The following TAFA4 variants were observed in gnomAD, a reference collection of about 807,000 sequenced individuals.
TAFA4 encodes chemokine-like protein TAFA-4.
A neutral mutation model predicts 21.1 loss-of-function variants in TAFA4; 20 were observed. The observed-to-expected ratio is 0.95, with a 90% confidence interval of 0.67 to 1.38. The LOEUF (loss-of-function observed/expected upper bound fraction) is 1.38. Ranked by LOEUF, TAFA4 falls within the 40% of genes most tolerant of loss-of-function variation. The pLI, the probability that TAFA4 is intolerant of heterozygous loss-of-function variation, is 0.00. For missense variants in TAFA4, 211 were observed against 180.9 expected (o/e 1.17, Z -0.95); for synonymous variants, 71 against 67.4 (o/e 1.05, Z -0.26).
At chr3:68,816,017 G>C (rs1241737797) in intron 3 of TAFA4, among the ~76,000 whole-genome samples, 1 of 152,162 alleles carries the variant, frequency 6.6e-6, no homozygotes, top group Non-Finnish European at 1.5e-5. Context: ...CCTTTGTAGG[G>C]ACATATATGT....
chr3:68,834,979 C>G (rs1704488721), intron 3 of TAFA4, among the ~76,000 whole-genome samples: 1 of 152,058 alleles, frequency 6.6e-6, no homozygotes, highest in Admixed American at 6.6e-5. Context: ...TATGGTCATC[C>G]TACTCAGGAT....
At chr3:68,826,831 T>G (rs527511899) in intron 3 of TAFA4, among the ~76,000 whole-genome samples, 1 of 152,268 alleles carries the variant, frequency 6.6e-6, no homozygotes, top group Admixed American at 6.5e-5. Context: ...TCAGGAATAT[T>G]ATAACAATCA....
chr3:68,839,363 T>C (rs1004773929), intron 3 of TAFA4, among the ~76,000 whole-genome samples: 1 of 152,192 alleles, frequency 6.6e-6, no homozygotes, highest in African/African-American at 2.4e-5. Flanking sequence ...GTTACATTAT[T>C]ATATGGGGAA....
intron 3 of TAFA4, among the ~76,000 whole-genome samples, chr3:68,797,183 C>G (rs1212236141): frequency 6.6e-6 from 1 of 152,118 alleles, no homozygotes; most frequent in Admixed American, 6.6e-5. Context: ...AGGACCTGAA[C>G]AGATATTTGT....
Position 68,888,535 on chromosome 3 carries a change from G to A in TAFA4, c.-122-3225C>T, listed in dbSNP as rs575504913. ...TTCAAGTATTTGTTATAGCAATAACGCCATTCTCTGTACCAATTTTTTGCC... is the reference window on the plus strand; with the variant it reads ...TTCAAGTATTTGTTATAGCAATAACACCATTCTCTGTACCAATTTTTTGCC... On this transcript the variant is annotated intron_variant, in intron 1 of 5. Transcript: ENST00000295569. Among the ~76,000 whole-genome samples, 6 of 152,096 alleles carry A rather than the reference G, an allele frequency of 3.9e-5. No individual in the cohort carries two copies. In the South Asian group the frequency reaches 8.3e-4, roughly 21 times the overall value.
intron 4 of TAFA4, among the ~76,000 whole-genome samples, chr3:68,740,319 T>C (rs920215506): frequency 6.6e-5 from 10 of 152,168 alleles, no homozygotes; most frequent in African/African-American, 1.9e-4. Flanking sequence ...ATGCTGTCAA[T>C]AGGAAAAACT....
At position 68,796,471 on chromosome 3, in the gene TAFA4, T is replaced by C. The variant is rs566874255; in HGVS notation, c.131-43453A>G. Among the ~76,000 whole-genome samples the C allele has an allele frequency of 1.9e-4, 29 of 152,250 alleles. No homozygotes were observed. In the East Asian group the frequency reaches 3.7e-3, roughly 19 times the overall value. ...AATGTGGCAGGGTTGCTACTCACTATTTTTAAAATCTATATATGTAACTCT... is the reference window on the plus strand; with the variant it reads ...AATGTGGCAGGGTTGCTACTCACTACTTTTAAAATCTATATATGTAACTCT... On this transcript the variant is annotated intron_variant, in intron 3 of 5. Coordinates refer to ENST00000295569, the MANE Select transcript of TAFA4 (RefSeq NM_182522.5).
At chr3:68,858,022 G>C (rs1193519404) in intron 3 of TAFA4, among the ~76,000 whole-genome samples, 1 of 152,050 alleles carries the variant, frequency 6.6e-6, no homozygotes, top group Non-Finnish European at 1.5e-5. Context: ...CAAGTCTCCA[G>C]GGAGAGTGGC....
At chr3:68,807,705 T>G (rs745447713) in intron 3 of TAFA4, among the ~76,000 whole-genome samples, 10 of 152,228 alleles carry the variant, frequency 6.6e-5, no homozygotes, top group African/African-American at 2.4e-4. Context: ...AGTGCCATTA[T>G]GTCAATCCAG....
chr3:68,791,312 A>G (rs1205462810), intron 3 of TAFA4, among the ~76,000 whole-genome samples: 2 of 152,194 alleles, frequency 1.3e-5, no homozygotes, highest in African/African-American at 2.4e-5. Context: ...GAAGAGGAAA[A>G]TGTCATGTGA....
At chr3:68,833,280 G>A (rs1353217925) in intron 3 of TAFA4, among the ~76,000 whole-genome samples, 1 of 152,100 alleles carries the variant, frequency 6.6e-6, no homozygotes, top group Non-Finnish European at 1.5e-5. Flanking sequence ...TGTCAATCTC[G>A]CTGGAAGCTA....
rs573838312 is a variant in TAFA4, at chr3:68,823,565, T to A, written c.130+57165A>T. 2.0e-5 allele frequency among the ~76,000 whole-genome samples: 3 copies of A among 152,282 alleles called. No homozygotes were observed. In the East Asian group the frequency reaches 5.8e-4, roughly 29 times the overall value. ...CCCATCACCTAGGTATTAAGCCCAG[T>A]ATACATTAGCTAATTTTCCTAATGC... On this transcript the variant is annotated intron_variant, in intron 3 of 5. Transcript: ENST00000295569.
chr3:68,896,281 T>G (rs1026067206), intron 1 of TAFA4, among the ~76,000 whole-genome samples: 6 of 152,092 alleles, frequency 3.9e-5, no homozygotes, highest in African/African-American at 1.2e-4. Context: ...GGTTTAGGTT[T>G]TCACAAGAGC....
At chr3:68,744,014 A>G (rs34720222) in intron 4 of TAFA4, among the ~76,000 whole-genome samples, 1 of 152,214 alleles carries the variant, frequency 6.6e-6, no homozygotes, top group African/African-American at 2.4e-5. Flanking sequence ...TACCATCTGC[A>G]GGACTAGAAA....
intron 3 of TAFA4, among the ~76,000 whole-genome samples, chr3:68,784,659 GC>G (rs979124156): frequency 6.6e-6 from 1 of 152,210 alleles, no homozygotes; most frequent in Admixed American, 6.5e-5. Context: ...ATTGCAAAGA[GC>G]AAAAGAACAA....
intron 3 of TAFA4, among the ~76,000 whole-genome samples, chr3:68,832,925 C>G (rs1339182406): frequency 6.6e-6 from 1 of 152,250 alleles, no homozygotes; most frequent in Non-Finnish European, 1.5e-5. Context: ...GACGCCCCTT[C>G]CCCCGCCCAT....
chr3:68,920,713 AT>A (rs2090051713), intron 1 of TAFA4, among the ~76,000 whole-genome samples: 4 of 138,846 alleles, frequency 2.9e-5, no homozygotes, highest in Middle Eastern at 4.2e-3. Flanking sequence ...GTGACCCTGT[AT>A]TATGACCAGT....
In TAFA4 at chr3:68,825,789, G is replaced by C. The variant is rs75892942; in HGVS notation, c.130+54941C>G. 8.7e-3 allele frequency among the ~76,000 whole-genome samples: 1,322 copies of C among 152,270 alleles called. 20 individuals carry two copies. The highest frequency in any genetic ancestry group is 0.03 in the African/African-American group (1,262 of 41,540). ...TGACCATTCTGCCCTTCTATGCAAG[G>C]CTCCATCTTGGATTCTATTGAAGAC... On this transcript the variant is annotated intron_variant, in intron 3 of 5. Coordinates refer to ENST00000295569, the MANE Select transcript of TAFA4 (RefSeq NM_182522.5).
At chr3:68,743,982 GCCCCCAGACC>G (rs1702405671) in intron 4 of TAFA4, among the ~76,000 whole-genome samples, 3 of 152,106 alleles carry the variant, frequency 2.0e-5, no homozygotes, top group Admixed American at 1.3e-4. Flanking sequence ...ATAAGAGATG[GCCCCCAGACC>G]TCAATTTAAA....
Sources: gnomAD v4.1 joint callset for allele counts (sites outside exome capture counted in the v4.1 genomes callset) on GRCh38, gnomAD v4.1.1 for gene constraint, MANE v1.5 for transcripts, NCBI Gene and HGNC (gene_info 2026-07-23, HGNC 2026-07-21) for gene names.